The following PIEZO2 variants were observed in gnomAD, a reference collection of about 807,000 sequenced individuals.
PIEZO2 encodes the protein piezo type mechanosensitive ion channel component 2.
A neutral mutation model predicts 337.3 loss-of-function variants in PIEZO2; 172 were observed. The observed-to-expected ratio is 0.51, with a 90% CI of 0.45 to 0.58. The LOEUF is 0.58. PIEZO2 is among the 20% of genes least tolerant of loss of function. The pLI, the probability that PIEZO2 is intolerant of heterozygous loss-of-function variation, is 0.00. For missense variants in PIEZO2, 3,028 were observed against 3,391.3 expected, an observed-to-expected ratio of 0.89 and a Z score of 2.66; for synonymous variants, 1,251 against 1,228.5, an observed-to-expected ratio of 1.02 and a Z score of -0.38.
At position 10,704,519 on chromosome 18, in the gene PIEZO2, G is replaced by C; in HGVS notation, c.6133C>G (p.Leu2045Val). The change falls in exon 42 of 56, where the codon CTC becomes GTC. Residue 2045 changes from leucine to valine, a missense_variant. Physicochemically the swap from Leu to Val is conservative, Grantham distance 32. Around this residue, in one of 5 missense-constraint regions of PIEZO2, gnomAD observed 1,925 missense variants for 2,051.9 expected, o/e 0.94. Coordinates refer to ENST00000674853, the MANE Select transcript of PIEZO2 (RefSeq NM_001378183.1). ...ATGGAGGCAGAGACCATGTGGTTGA[G>C]GATGATCACGAAGTAGCACACCATC... is the stretch of plus-strand genomic sequence containing the variant. Reference protein sequence around the residue: ...SEMVCYFVIILNHMVSASMIT... With the variant: ...SEMVCYFVIIVNHMVSASMIT... The C allele has an allele frequency of 6.5e-7, 1 of 1,537,234 alleles. No individual in the cohort carries two copies.
At chr18:10,697,972 G>A (rs2035171896) in intron 44 of PIEZO2, 92 bp from the exon 45 acceptor site, 8 of 1,472,314 alleles carry the variant, frequency 5.4e-6, no homozygotes, top group Non-Finnish European at 6.4e-6. Flanking sequence ...CCCACATGGT[G>A]GAGGGATAGC....
intron 47 of PIEZO2, among the ~76,000 whole-genome samples, chr18:10,693,972 G>A (rs571031568): frequency 1.3e-5 from 2 of 152,098 alleles, no homozygotes; most frequent in South Asian, 2.1e-4. Context: ...AAGCAGTGGC[G>A]TTCATCTGAA....
intron 1 of PIEZO2, among the ~76,000 whole-genome samples, chr18:11,108,429 C>A (rs1485791033): frequency 6.6e-6 from 1 of 150,416 alleles, no homozygotes; most frequent in East Asian, 2.0e-4. Flanking sequence ...TCCTGGCTAA[C>A]ACGGTGAAAC....
intron 1 of PIEZO2, among the ~76,000 whole-genome samples, chr18:11,135,870 A>G (rs73400593): frequency 0.029 from 4,458 of 152,288 alleles, 211 homozygotes; most frequent in African/African-American, 0.1. Context: ...TTAGCACTGC[A>G]TTATCAACAT....
At chr18:10,843,676 G>A (rs1290237918) in intron 7 of PIEZO2, among the ~76,000 whole-genome samples, 1 of 152,096 alleles carries the variant, frequency 6.6e-6, no homozygotes, top group Non-Finnish European at 1.5e-5. Context: ...TTGGTACCTC[G>A]GGCATGCTGA....
chr18:11,030,045 G>A (rs11080472), intron 2 of PIEZO2, among the ~76,000 whole-genome samples: 78,898 of 151,996 alleles, frequency 0.52, 20,945 homozygotes, highest in East Asian at 0.68. Flanking sequence ...TAAGAAGGCA[G>A]TACTCTGCAT....
At position 11,109,228 on chromosome 18, in the gene PIEZO2, A is replaced by G. The variant is rs2039660896; in HGVS notation, c.64+39297T>C. Among the ~76,000 whole-genome samples the G allele has an allele frequency of 6.6e-6, 1 of 152,190 alleles. No homozygotes were observed. The highest frequency in any genetic ancestry group is 6.5e-5 in the Admixed American group (1 of 15,286). On this transcript the variant is annotated intron_variant, in intron 1 of 55. Coordinates refer to ENST00000674853, the MANE Select transcript of PIEZO2 (RefSeq NM_001378183.1). The surrounding 1 kb of genome is among the most constrained non-coding windows in gnomAD (Gnocchi z 5.1). ...AAGTGCAGCTGGAGATTTTATTAGC[A>G]CTTTATGGTCCACATGATCATTTAA...
chr18:10,917,585 T>G (rs1272907059), intron 3 of PIEZO2, among the ~76,000 whole-genome samples: 1 of 152,180 alleles, frequency 6.6e-6, no homozygotes, highest in African/African-American at 2.4e-5. Context: ...GTGGTAAAAC[T>G]GGTGGTCAAA....
intron 2 of PIEZO2, among the ~76,000 whole-genome samples, chr18:11,005,408 T>C (rs531903827): frequency 1.3e-5 from 2 of 152,362 alleles, no homozygotes; most frequent in East Asian, 1.9e-4. Flanking sequence ...AGAAATGTAG[T>C]TTAGCTTAAC....
chr18:10,956,611 C>T (rs2033534077), intron 3 of PIEZO2, among the ~76,000 whole-genome samples: 1 of 152,208 alleles, frequency 6.6e-6, no homozygotes, highest in African/African-American at 2.4e-5. Context: ...CTGGAGGCAT[C>T]ACATTCCTTG....
In PIEZO2 at chr18:10,940,298, C is replaced by T. The variant is rs1425331862; in HGVS notation, c.287-29070G>A. Among the ~76,000 whole-genome samples, 2 of 152,298 alleles carry T rather than the reference C, an allele frequency of 1.3e-5. No homozygotes were observed. Among genetic ancestry groups the T allele is most frequent in the East Asian group, 3.9e-4 (2 of 5,184 alleles). On this transcript the variant is annotated intron_variant, in intron 3 of 55. Transcript: ENST00000674853. The surrounding 1 kb of genome is among the most constrained non-coding windows in gnomAD (Gnocchi z 5.3). ...GGTAATAAAAATCTAGTGAGCTCTTCCTCTTCACCCTAACAGATTAGCACC... is the reference window on the plus strand; with the variant it reads ...GGTAATAAAAATCTAGTGAGCTCTTTCTCTTCACCCTAACAGATTAGCACC...
rs555529265 is a variant in PIEZO2 at position 11,067,984 on chromosome 18, C to T, written c.65-1762G>A. Among the ~76,000 whole-genome samples, 6 of 152,312 alleles carry T rather than the reference C, an allele frequency of 3.9e-5. No individual in the cohort carries two copies. The East Asian group carries it at 7.7e-4, about 20-fold the overall frequency. ...TCCCCCAGGCTGCAGTGCAGTGGCA[C>T]GATCTCAGCTCACTGCAAGCTCCGC... On this transcript the variant is annotated intron_variant, in intron 1 of 55. Transcript: ENST00000674853.
At position 11,116,757 on chromosome 18, in the gene PIEZO2, G is replaced by A. The variant is rs118072040; in HGVS notation, c.64+31768C>T. Among the ~76,000 whole-genome samples, 1,232 of 151,800 alleles carry A rather than the reference G, an allele frequency of 8.1e-3. 13 individuals carry two copies. The highest frequency in any genetic ancestry group is 8.9e-3 in the Non-Finnish European group (605 of 67,950). On this transcript the variant is annotated intron_variant, in intron 1 of 55. Coordinates refer to ENST00000674853, the MANE Select transcript of PIEZO2 (RefSeq NM_001378183.1). The surrounding 1 kb of genome is among the most constrained non-coding windows in gnomAD (Gnocchi z 5.0). ...AAAAAAATCATTCCATTTATCTACT[G>A]AATGTTACTCCATCTAACTGTATAG... is the stretch of plus-strand genomic sequence containing the variant.
intron 18 of PIEZO2, among the ~76,000 whole-genome samples, chr18:10,779,966 G>A (rs2038922499): frequency 6.6e-6 from 1 of 152,206 alleles, no homozygotes; most frequent in African/African-American, 2.4e-5. Context: ...TTATGGGAGG[G>A]TTTGTGGAGG....
At chr18:10,840,562 G>A (rs901756167) in intron 7 of PIEZO2, among the ~76,000 whole-genome samples, 1 of 151,958 alleles carries the variant, frequency 6.6e-6, no homozygotes, top group African/African-American at 2.4e-5. Context: ...TGAATAATAG[G>A]TGAGAAAAAT....
At position 10,713,931 on chromosome 18, in the gene PIEZO2, A is replaced by G. The variant is rs1166018414; in HGVS notation, c.5423+833T>C. ...TCAGCTATCTAGAACACTGTGATGCAAAGAATTCTGAGGCTTTTCTGGGAC... is the reference window on the plus strand; with the variant it reads ...TCAGCTATCTAGAACACTGTGATGCGAAGAATTCTGAGGCTTTTCTGGGAC... On this transcript the variant is annotated intron_variant, in intron 39 of 55. Transcript: ENST00000674853. This position sits in a 1 kb window ranked among gnomAD's most constrained non-coding sequence, Gnocchi z 4.5. Among the ~76,000 whole-genome samples, 1 of 151,872 alleles carries G rather than the reference A, an allele frequency of 6.6e-6. No homozygotes were observed. The highest frequency in any genetic ancestry group is 1.5e-5 in the Non-Finnish European group (1 of 68,020).
rs1191231084 is a variant in PIEZO2 at position 10,861,317 on chromosome 18, G to A, written c.493-4106C>T. Among the ~76,000 whole-genome samples the A allele has an allele frequency of 6.6e-6, 1 of 152,162 alleles. No homozygotes were observed. The highest frequency in any genetic ancestry group is 1.5e-5 in the Non-Finnish European group (1 of 68,030). On this transcript the variant is annotated intron_variant, in intron 5 of 55. Transcript: ENST00000674853. This position sits in a 1 kb window ranked among gnomAD's most constrained non-coding sequence, Gnocchi z 4.3. The stretch of plus-strand genomic sequence containing the variant: ...CTGAAGACAAAATAAACTCTTTACA[G>A]TTTAAAAAGTCAAATAAATGATTAT...
intron 3 of PIEZO2, among the ~76,000 whole-genome samples, chr18:10,916,378 A>T (rs2030962303): frequency 6.6e-6 from 1 of 152,078 alleles, no homozygotes; most frequent in Non-Finnish European, 1.5e-5. Flanking sequence ...TGCTGCAGCC[A>T]ACCGCGGTAG....
intron 2 of PIEZO2, among the ~76,000 whole-genome samples, chr18:10,990,099 A>G (rs1165700602): frequency 2.0e-5 from 3 of 152,192 alleles, no homozygotes; most frequent in Middle Eastern, 6.3e-3. Context: ...GTATCTTGAA[A>G]TATTTTTAAC....
Sources: allele counts gnomAD v4.1 joint callset (sites outside exome capture counted in the v4.1 genomes callset), GRCh38; gene constraint gnomAD v4.1.1; regional missense constraint gnomAD v4.1.1; non-coding constraint Gnocchi (gnomAD v3.1); transcripts MANE v1.5; gene names NCBI Gene and HGNC (gene_info 2026-07-23, HGNC 2026-07-21).